The following BABAM2 variants were observed in gnomAD, a reference collection of about 807,000 sequenced individuals.
BABAM2 encodes BRISC and BRCA1-A complex member 2.
BABAM2 carries 31 observed loss-of-function variants against 54.7 expected under a neutral mutation model. The observed-to-expected ratio is 0.57, with a 90% CI of 0.43 to 0.77. The LOEUF (loss-of-function observed/expected upper bound fraction) is 0.77. Ranked by LOEUF, BABAM2 falls within the 30% of genes least tolerant of loss-of-function variation. BABAM2 has a pLI of 0.00. For synonymous variants in BABAM2, 167 were observed against 162.9 expected (o/e 1.03, Z -0.19); for missense variants, 364 against 455.8 (o/e 0.80, Z 1.83).
At chr2:28,017,725 C>T (rs952540237) in intron 4 of BABAM2, among the ~76,000 whole-genome samples, 3 of 152,214 alleles carry the variant, frequency 2.0e-5, no homozygotes, top group Non-Finnish European at 4.4e-5. Flanking sequence ...CAGTCTGTCC[C>T]TATAGATTTG....
At chr2:28,037,611 A>G (rs1480505299) in intron 5 of BABAM2, among the ~76,000 whole-genome samples, 1 of 152,240 alleles carries the variant, frequency 6.6e-6, no homozygotes, top group Non-Finnish European at 1.5e-5. Context: ...TTATGTGTTC[A>G]TAATTTTATT....
intron 7 of BABAM2, among the ~76,000 whole-genome samples, chr2:28,214,871 T>C (rs1679791168): frequency 6.6e-6 from 1 of 152,094 alleles, no homozygotes; most frequent in South Asian, 2.1e-4. Context: ...ATTTTTCCTG[T>C]GACTGTTGCC....
chr2:27,917,680 C>T (rs977053004), intron 2 of BABAM2, among the ~76,000 whole-genome samples: 6 of 152,002 alleles, frequency 3.9e-5, no homozygotes, highest in Admixed American at 3.9e-4. Context: ...TTTTGAGGGG[C>T]CACTAACATT....
At chr2:28,270,338 C>G (rs1307331348) in intron 10 of BABAM2, among the ~76,000 whole-genome samples, 1 of 152,148 alleles carries the variant, frequency 6.6e-6, no homozygotes, top group Non-Finnish European at 1.5e-5. Context: ...CCAGACTGGT[C>G]TCAAACTCCT....
chr2:28,099,615 C>G (rs1434164965), intron 6 of BABAM2, among the ~76,000 whole-genome samples: 1 of 152,012 alleles, frequency 6.6e-6, no homozygotes, highest in Non-Finnish European at 1.5e-5. Context: ...GTTATTATAG[C>G]CATACTCATA....
intron 6 of BABAM2, among the ~76,000 whole-genome samples, chr2:28,121,941 G>A (rs1024874956): frequency 5.3e-5 from 8 of 152,080 alleles, no homozygotes; most frequent in Non-Finnish European, 8.8e-5. Context: ...TTGGTCAGGC[G>A]CAGTGACTCA....
intron 5 of BABAM2, among the ~76,000 whole-genome samples, chr2:28,036,206 C>T (rs1258440999): frequency 2.0e-5 from 3 of 152,040 alleles, no homozygotes; most frequent in Admixed American, 6.6e-5. Flanking sequence ...CCAGCTGAGG[C>T]GGGTTTTAAT....
chr2:27,944,170 C>T (rs1358129580), intron 3 of BABAM2, among the ~76,000 whole-genome samples: 4 of 151,894 alleles, frequency 2.6e-5, no homozygotes, highest in East Asian at 1.9e-4. Flanking sequence ...TTTATTTTAT[C>T]GACACAATAA....
At chr2:27,968,244 C>T (rs573750822) in intron 3 of BABAM2, among the ~76,000 whole-genome samples, 37 of 152,270 alleles carry the variant, frequency 2.4e-4, no homozygotes, top group East Asian at 9.7e-4. Context: ...TGGTGCCCTG[C>T]GCCCCAGTTG....
chr2:27,947,615 G>A (rs1292921721), intron 3 of BABAM2, among the ~76,000 whole-genome samples: 1 of 152,056 alleles, frequency 6.6e-6, no homozygotes, highest in Admixed American at 6.6e-5. Context: ...TTTATCAGAT[G>A]TATGATTTGC....
intron 3 of BABAM2, among the ~76,000 whole-genome samples, chr2:27,945,219 G>A (rs865781281): frequency 2.7e-4 from 41 of 151,782 alleles, no homozygotes; most frequent in Admixed American, 5.2e-4. Flanking sequence ...TGTAGAGACG[G>A]GGTTTCACTG....
At chr2:27,971,063 A>G (rs1421942870) in intron 3 of BABAM2, among the ~76,000 whole-genome samples, 1 of 152,110 alleles carries the variant, frequency 6.6e-6, no homozygotes, top group Non-Finnish European at 1.5e-5. Flanking sequence ...CACTTGTTTA[A>G]ATTAAGTTGG....
At chr2:27,916,357 T>A (rs1272257679) in intron 2 of BABAM2, among the ~76,000 whole-genome samples, 4 of 152,236 alleles carry the variant, frequency 2.6e-5, no homozygotes, top group Non-Finnish European at 5.9e-5. Flanking sequence ...AAAATAACAC[T>A]GTACATTGAA....
chr2:27,967,461 C>T (rs1228394705), intron 3 of BABAM2, among the ~76,000 whole-genome samples: 1 of 152,166 alleles, frequency 6.6e-6, no homozygotes, highest in Admixed American at 6.5e-5. Context: ...CTCCTTCAAA[C>T]CTCTTTCCTT....
At chr2:28,162,049 A>T (rs1337108559) in intron 7 of BABAM2, among the ~76,000 whole-genome samples, 1 of 152,192 alleles carries the variant, frequency 6.6e-6, no homozygotes, top group Non-Finnish European at 1.5e-5. Context: ...CAAACTAACT[A>T]CTAATTCCTA....
chr2:28,068,177 G>A (rs1229474861), intron 6 of BABAM2, among the ~76,000 whole-genome samples: 1 of 152,084 alleles, frequency 6.6e-6, no homozygotes, highest in Non-Finnish European at 1.5e-5. Flanking sequence ...TTAGTATGAT[G>A]AGACTACCGT....
At chr2:28,267,486 G>C (rs960521997) in intron 10 of BABAM2, among the ~76,000 whole-genome samples, 3 of 151,838 alleles carry the variant, frequency 2.0e-5, no homozygotes, top group Non-Finnish European at 2.9e-5. Flanking sequence ...ATTTTGAAAT[G>C]GTGGTTTTAT....
intron 6 of BABAM2, among the ~76,000 whole-genome samples, chr2:28,104,735 C>G (rs1238216742): frequency 6.6e-6 from 1 of 152,168 alleles, no homozygotes. Flanking sequence ...AAGACACATG[C>G]ACACGTATGT....
chr2:28,155,674 G>A (rs146247788), intron 7 of BABAM2, among the ~76,000 whole-genome samples: 2,014 of 152,294 alleles, frequency 0.013, 27 homozygotes, highest in South Asian at 0.05. Context: ...TGTGCTGAGG[G>A]CCAGGTGCTG....
Sources: allele counts gnomAD v4.1 joint callset (sites outside exome capture counted in the v4.1 genomes callset), GRCh38; gene constraint gnomAD v4.1.1; transcripts MANE v1.5; gene names NCBI Gene and HGNC (gene_info 2026-07-23, HGNC 2026-07-21).